NPAT: variants seen among roughly 807,000 people sequenced by gnomAD.
The protein encoded by NPAT is protein NPAT.
Under a neutral mutation model 130.7 loss-of-function variants are expected in NPAT, and 52 were observed. The observed-to-expected ratio is 0.40, with a 90% CI of 0.32 to 0.50. NPAT has a LOEUF of 0.50. NPAT is among the 20% of genes least tolerant of loss of function. The probability of loss-of-function intolerance (pLI) is 0.68; values close to 1 mark genes in which losing one functional copy is unlikely to be tolerated. For missense variants in NPAT, 1,687 were observed against 1,662.6 expected (o/e 1.01, Z -0.26); for synonymous variants, 580 against 584.8 (o/e 0.99, Z 0.12).
At position 108,181,547 on chromosome 11, in the gene NPAT, T is replaced by G. The variant is rs548281096; in HGVS notation, c.906+3685A>C. Among the ~76,000 whole-genome samples the G allele has an allele frequency of 5.3e-5, 8 of 152,270 alleles. No homozygotes were observed. In the East Asian group the frequency reaches 1.4e-3, roughly 26 times the overall value. On this transcript the variant is annotated intron_variant, in intron 10 of 17. Transcript: ENST00000278612. ...AATTAACATTACCAAACTGTACACTTAGTAATTGTCAAGATCGTAAATTAT... is the reference window on the plus strand; with the variant it reads ...AATTAACATTACCAAACTGTACACTGAGTAATTGTCAAGATCGTAAATTAT...
Position 108,193,948 on chromosome 11 carries a change from A to T in NPAT, c.217+9T>A, listed in dbSNP as rs2078195988. Reference sequence around the variant, plus strand: ...CATCAGCAAAAAAACTCCAAATCAGAACTCTTACCTTTTGTTTTCATAGCT... The same window carrying T: ...CATCAGCAAAAAAACTCCAAATCAGTACTCTTACCTTTTGTTTTCATAGCT... On this transcript the variant is annotated intron_variant, in intron 3 of 17. Transcript: ENST00000278612. The T allele has an allele frequency of 6.5e-7, 1 of 1,531,772 alleles. No individual in the cohort carries two copies. The highest frequency in any genetic ancestry group is 1.7e-5 in the Admixed American group (1 of 59,714). The allele number at this position is 1,531,772 out of a possible 1,614,324, so 94.9% of individuals were successfully genotyped here.
chr11:108,197,785 C>T (rs1443259123), intron 1 of NPAT, among the ~76,000 whole-genome samples: 2 of 152,170 alleles, frequency 1.3e-5, no homozygotes, highest in East Asian at 1.9e-4. Flanking sequence ...TCACTTACTG[C>T]GTTATCAGAA....
intron 10 of NPAT, among the ~76,000 whole-genome samples, chr11:108,183,159 AT>A (rs1234367862): frequency 2.6e-5 from 4 of 151,886 alleles, no homozygotes; most frequent in East Asian, 1.9e-4. Flanking sequence ...TAAAAAAAAA[AT>A]TTTTTTTGTA....
chr11:108,198,508 C>T (rs2078245164), intron 1 of NPAT, among the ~76,000 whole-genome samples: 1 of 104,900 alleles, frequency 9.5e-6, no homozygotes, highest in South Asian at 3.8e-4. Flanking sequence ...AACTCCCAAG[C>T]AGACGGGTAG....
In NPAT at chr11:108,169,834, T is replaced by G; in HGVS notation, c.2920A>C (p.Thr974Pro). The change falls in exon 15 of 18, where the codon ACA (threonine) becomes CCA (proline). Residue 974 changes from threonine to proline, a missense_variant. Physicochemically the swap from Thr to Pro is conservative, Grantham distance 38. Coordinates refer to ENST00000278612, the MANE Select transcript of NPAT (RefSeq NM_002519.3). ...PPRQVLHMPL[T>P]APVCNRSIPQ... ...ATACTTCTATTGCATACAGGTGCTG[T>G]CAAAGGCATATGAAGAACCTGGAAG... 1 of 1,613,942 alleles carries G rather than the reference T, an allele frequency of 6.2e-7. No individual in the cohort carries two copies. Among genetic ancestry groups the G allele is most frequent in the Non-Finnish European group, 8.5e-7 (1 of 1,179,814 alleles).
chr11:108,222,123 C>T (rs2078517448), intron 1 of NPAT, among the ~76,000 whole-genome samples: 1 of 152,108 alleles, frequency 6.6e-6, no homozygotes, highest in South Asian at 2.1e-4. Context: ...ATTTTGGTCC[C>T]AACACTGAAC....
chr11:108,161,932 T>C lies in NPAT; in HGVS notation c.3154A>G (p.Ile1052Val). ...TGGCATGGTTTAGCAGCTGGAACTA[T>C]ACTCTCTTCTGGGAAGGGAACTGTG... is the stretch of plus-strand genomic sequence containing the variant. The part of the protein sequence containing the change: ...ETTVPFPEES[I>V]VPAAKPCHRR... The change falls in exon 17 of 18, where the codon ATA (isoleucine) becomes GTA (valine). Residue 1052 changes from isoleucine (I) to valine (V), a missense_variant. By Grantham distance (29) the Ile-to-Val change is conservative. This residue lies in a region of NPAT where 1,379 missense variants were observed against 1,346.6 expected (regional missense o/e 1.02). Coordinates refer to ENST00000278612, the MANE Select transcript of NPAT (RefSeq NM_002519.3). 3.7e-6 allele frequency: 6 copies of C among 1,608,574 alleles called. No homozygotes were observed. The highest frequency in any genetic ancestry group is 1.7e-4 in the Middle Eastern group (1 of 6,016).
In NPAT at chr11:108,173,389, T is replaced by C. The variant is rs748697428; in HGVS notation, c.1595A>G (p.Gln532Arg). The C allele has an allele frequency of 6.2e-7, 1 of 1,614,060 alleles. No homozygotes were observed. Among genetic ancestry groups the C allele is most frequent in the Non-Finnish European group, 8.5e-7 (1 of 1,179,920 alleles). ...TAATGAAGTATCTTGGGATAAAAGTTGAGAACTCTTCCCAGAGAGAATTAA... is the reference window on the plus strand; with the variant it reads ...TAATGAAGTATCTTGGGATAAAAGTCGAGAACTCTTCCCAGAGAGAATTAA... Reference protein sequence around the residue: ...ENLILSGKSSQLLSQDTSLTG... With the variant: ...ENLILSGKSSRLLSQDTSLTG... The change falls in exon 13 of 18, where the codon CAA (glutamine) becomes CGA (arginine). Residue 532 changes from glutamine to arginine, a missense_variant. Around this residue, in one of 3 missense-constraint regions of NPAT, gnomAD observed 1,379 missense variants for 1,346.6 expected, o/e 1.02. Transcript: ENST00000278612.
chr11:108,184,872 A>G (rs960119319), intron 10 of NPAT, among the ~76,000 whole-genome samples: 18 of 152,244 alleles, frequency 1.2e-4, no homozygotes, highest in Admixed American at 3.9e-4. Flanking sequence ...TGTTTCTCTA[A>G]ATTATTATAC....
Position 108,186,579 on chromosome 11 carries a change from AT to A in NPAT, c.639-11del. On this transcript the variant is annotated splice_polypyrimidine_tract_variant and intron_variant, in intron 7 of 17. Coordinates refer to ENST00000278612, the MANE Select transcript of NPAT (RefSeq NM_002519.3). The stretch of plus-strand genomic sequence containing the variant: ...TTTTCTCTGAGATTCACTGAAACAC[AT>A]TTTAAAAGCTTTTCTTTTAACCACT... 1 of 1,607,970 alleles carries A rather than the reference AT, an allele frequency of 6.2e-7. No homozygotes were observed. The highest frequency in any genetic ancestry group is 8.5e-7 in the Non-Finnish European group (1 of 1,174,562).
intron 15 of NPAT, among the ~76,000 whole-genome samples, chr11:108,162,727 G>A (rs1364783622): frequency 1.3e-5 from 2 of 152,144 alleles, no homozygotes; most frequent in Non-Finnish European, 2.9e-5. Context: ...CACCGCGCCC[G>A]GTTCAGGCAA....
intron 11 of NPAT, 24 bp from the exon 12 acceptor site, chr11:108,176,398 T>A (rs1011475824): frequency 3.4e-6 from 5 of 1,473,926 alleles, no homozygotes; most frequent in East Asian, 2.3e-5. Flanking sequence ...AATATGGAAA[T>A]AATTAAATGA....
chr11:108,190,524 A>C, intron 4 of NPAT, 24 bp from the exon 5 acceptor site: 1 of 1,610,190 alleles, frequency 6.2e-7, no homozygotes, highest in East Asian at 2.2e-5. Context: ...CAAAGTAGTT[A>C]TCCATCAAAA....
Position 108,161,222 on chromosome 11 carries a change from C to A in NPAT, c.3864G>T (p.Lys1288Asn), listed in dbSNP as rs757563894. Reference sequence around the variant, plus strand: ...CACTGAAACGCCTACTAGAGGGGGCCTTGATAATATCTATAGGTTCTTCTT... The same window carrying A: ...CACTGAAACGCCTACTAGAGGGGGCATTGATAATATCTATAGGTTCTTCTT... ...KHKEEPIDIIKAPSSRRFSED... is the reference protein window; with the variant it reads ...KHKEEPIDIINAPSSRRFSED... Residue 1288 changes from lysine to asparagine, a missense_variant, in exon 17 of 18, where the codon AAG becomes AAT. Transcript: ENST00000278612. 11 of 1,613,954 alleles carry A rather than the reference C, an allele frequency of 6.8e-6. No individual in the cohort carries two copies. In the African/African-American group the frequency reaches 1.3e-4, roughly 20 times the overall value.
At chr11:108,170,404 G>A (rs1228856448) in intron 13 of NPAT, among the ~76,000 whole-genome samples, 5 of 151,994 alleles carry the variant, frequency 3.3e-5, no homozygotes, top group Admixed American at 2.0e-4. Context: ...GAAAATGAGT[G>A]GTGAATGTTT....
chr11:108,185,771 C>T (rs1007176478), intron 8 of NPAT, among the ~76,000 whole-genome samples: 1 of 152,312 alleles, frequency 6.6e-6, no homozygotes, highest in South Asian at 2.1e-4. Flanking sequence ...CGCTCTATAG[C>T]CCAGCCTGGA....
intron 1 of NPAT, among the ~76,000 whole-genome samples, chr11:108,210,816 T>C (rs2078377250): frequency 6.6e-6 from 1 of 152,216 alleles, no homozygotes; most frequent in African/African-American, 2.4e-5. Context: ...TACAAACTCT[T>C]TTTGAAATAG....
chr11:108,208,649 C>T (rs1420347366), intron 1 of NPAT: 4 of 295,098 alleles, frequency 1.4e-5, no homozygotes, highest in South Asian at 5.2e-5. Context: ...CCTAACTGAG[C>T]CCAAAGTATA....
chr11:108,163,172 T>C (rs2077869345), intron 15 of NPAT, among the ~76,000 whole-genome samples: 1 of 152,022 alleles, frequency 6.6e-6, no homozygotes, highest in African/African-American at 2.4e-5. Context: ...CTCCACCTCC[T>C]GGGTTCAAGC....
Sources: allele counts gnomAD v4.1 joint callset (sites outside exome capture counted in the v4.1 genomes callset), GRCh38; gene constraint gnomAD v4.1.1; regional missense constraint gnomAD v4.1.1; transcripts MANE v1.5; gene names NCBI Gene and HGNC (gene_info 2026-07-23, HGNC 2026-07-21).